Variants in EXOC4 observed in about 807,000 individuals in gnomAD.
EXOC4 encodes the protein SEC8-like 1.
A neutral mutation model predicts 107.2 loss-of-function variants in EXOC4; 71 were observed. That is an observed-to-expected ratio of 0.66 (90% CI 0.55 to 0.81). The LOEUF is 0.81. Among genes scored for constraint, EXOC4 ranks in the 30% least tolerant of loss-of-function variants. The probability of loss-of-function intolerance (pLI) is 0.00; values close to 1 mark genes in which losing one functional copy is unlikely to be tolerated. For synonymous variants in EXOC4, 456 were observed against 441.2 expected, an observed-to-expected ratio of 1.03 and a Z score of -0.42; for missense variants, 1,108 against 1,189.6, an observed-to-expected ratio of 0.93 and a Z score of 1.01.
At chr7:133,573,954 A>T (rs1406405320) in intron 9 of EXOC4, among the ~76,000 whole-genome samples, 1 of 152,236 alleles carries the variant, frequency 6.6e-6, no homozygotes, top group East Asian at 1.9e-4. Flanking sequence ...CAGCTTTGTG[A>T]AATCTTAAAA....
chr7:133,614,789 CAAAAAAAAAAAAAAAAA>C (rs35947572), intron 9 of EXOC4, among the ~76,000 whole-genome samples: 1 of 61,680 alleles, frequency 1.6e-5, no homozygotes, highest in Non-Finnish European at 2.9e-5. Flanking sequence ...GTACATATGG[CAAAAAAAAAAAAAAAAA>C]AAAAAAAAAA....
intron 7 of EXOC4, among the ~76,000 whole-genome samples, chr7:133,376,782 C>T (rs952769044): frequency 6.6e-6 from 1 of 152,092 alleles, no homozygotes; most frequent in Admixed American, 6.5e-5. Flanking sequence ...TCAGAAAGGT[C>T]ACACCTTATG....
At chr7:133,612,950 C>T (rs1026719536) in intron 9 of EXOC4, among the ~76,000 whole-genome samples, 1 of 151,836 alleles carries the variant, frequency 6.6e-6, no homozygotes, top group African/African-American at 2.4e-5. Context: ...TGTAGTTGGC[C>T]CAGAACAACA....
intron 15 of EXOC4, among the ~76,000 whole-genome samples, chr7:134,000,650 G>C (rs1379625911): frequency 6.6e-6 from 1 of 152,166 alleles, no homozygotes; most frequent in Non-Finnish European, 1.5e-5. Flanking sequence ...TACAGAGGCT[G>C]TGTGGCCAAT....
chr7:133,320,263 CA>C (rs1350627261), intron 5 of EXOC4, among the ~76,000 whole-genome samples: 1 of 152,138 alleles, frequency 6.6e-6, no homozygotes, highest in Non-Finnish European at 1.5e-5. Context: ...AGAAGTCTAA[CA>C]CAAATCTGAT....
chr7:133,444,559 T>G (rs1269306982), intron 7 of EXOC4, among the ~76,000 whole-genome samples: 1 of 152,194 alleles, frequency 6.6e-6, no homozygotes, highest in Non-Finnish European at 1.5e-5. Flanking sequence ...TACTGATGAC[T>G]TCCTATGAAA....
At chr7:133,701,997 CTTTTTTTTTTT>C (rs71162021) in intron 10 of EXOC4, among the ~76,000 whole-genome samples, 1 of 66,608 alleles carries the variant, frequency 1.5e-5, no homozygotes, top group Non-Finnish European at 2.9e-5. Context: ...TTCTTTCTTT[CTTTTTTTTTTT>C]TTTTTTTTTT....
chr7:133,988,104 C>T (rs1318899983), intron 14 of EXOC4, among the ~76,000 whole-genome samples: 1 of 152,108 alleles, frequency 6.6e-6, no homozygotes, highest in Non-Finnish European at 1.5e-5. Flanking sequence ...TTATGTCAAT[C>T]GTAAAGAGAG....
intron 11 of EXOC4, among the ~76,000 whole-genome samples, chr7:133,853,833 A>G (rs1162498240): frequency 6.6e-6 from 1 of 152,194 alleles, no homozygotes; most frequent in Non-Finnish European, 1.5e-5. Flanking sequence ...ACCCGAGAAG[A>G]ACTTGCTGGT....
chr7:133,879,464 AT>A (rs770048160), intron 11 of EXOC4, among the ~76,000 whole-genome samples: 1 of 152,128 alleles, frequency 6.6e-6, no homozygotes, highest in Admixed American at 6.5e-5. Flanking sequence ...GACTTTTTGA[AT>A]TTGGTAATGC....
intron 9 of EXOC4, among the ~76,000 whole-genome samples, chr7:133,543,887 G>A (rs898328425): frequency 3.9e-5 from 6 of 152,048 alleles, no homozygotes; most frequent in African/African-American, 1.4e-4. Flanking sequence ...TTATCTGCTG[G>A]CTAGCATTTT....
At chr7:133,777,129 T>C (rs950182428) in intron 10 of EXOC4, among the ~76,000 whole-genome samples, 1 of 152,094 alleles carries the variant, frequency 6.6e-6, no homozygotes, top group African/African-American at 2.4e-5. Context: ...AGATTATAGA[T>C]TTAAAATGGT....
chr7:133,266,317 C>G (rs965495509), intron 1 of EXOC4, among the ~76,000 whole-genome samples: 1 of 152,148 alleles, frequency 6.6e-6, no homozygotes, highest in Admixed American at 6.5e-5. Flanking sequence ...TCTTTGTAGG[C>G]TGTGTATCCA....
At chr7:133,311,259 G>A (rs1794864942) in intron 4 of EXOC4, among the ~76,000 whole-genome samples, 1 of 152,120 alleles carries the variant, frequency 6.6e-6, no homozygotes, top group African/African-American at 2.4e-5. Flanking sequence ...CATTTCTTAT[G>A]TGATATCAAA....
intron 4 of EXOC4, among the ~76,000 whole-genome samples, chr7:133,311,566 G>A (rs181355766): frequency 6.6e-6 from 1 of 152,238 alleles, no homozygotes; most frequent in African/African-American, 2.4e-5. Context: ...ACATAGCACT[G>A]TATTAGCATT....
intron 9 of EXOC4, among the ~76,000 whole-genome samples, chr7:133,619,173 T>C (rs914298731): frequency 6.6e-6 from 1 of 152,316 alleles, no homozygotes; most frequent in African/African-American, 2.4e-5. Context: ...CAGCTCTGAT[T>C]ATCTTTATCA....
intron 17 of EXOC4, among the ~76,000 whole-genome samples, chr7:134,035,243 G>C (rs1795362923): frequency 6.6e-6 from 1 of 151,762 alleles, no homozygotes. Context: ...CAGGGTTTCT[G>C]TCTGTTGGTC....
chr7:133,933,945 T>C (rs1396902733), intron 13 of EXOC4, among the ~76,000 whole-genome samples: 2 of 148,940 alleles, frequency 1.3e-5, no homozygotes, highest in South Asian at 2.3e-4. Flanking sequence ...ATGATACATT[T>C]CTGCAGTTGA....
intron 16 of EXOC4, 149 bp from the exon 17 acceptor site, chr7:134,007,527 T>A: frequency 6.4e-6 from 4 of 627,560 alleles, no homozygotes; most frequent in Non-Finnish European, 1.0e-5. Context: ...TATTGTCAGA[T>A]CAGCAGATGC....
Sources: gnomAD v4.1 joint callset for allele counts (sites outside exome capture counted in the v4.1 genomes callset) on GRCh38, gnomAD v4.1.1 for gene constraint, MANE v1.5 for transcripts, NCBI Gene and HGNC (gene_info 2026-07-23, HGNC 2026-07-21) for gene names.